The following DPCD variants were observed in gnomAD, a reference collection of about 807,000 sequenced individuals.
The protein encoded by DPCD is deleted in primary ciliary dyskinesia homolog (mouse), also known as protein DPCD.
A neutral mutation model predicts 26.4 loss-of-function variants in DPCD; 20 were observed. That is an observed-to-expected ratio of 0.76 (90% CI 0.53 to 1.10). DPCD has a LOEUF of 1.10. Among genes scored for constraint, DPCD ranks in the 50% least tolerant of loss-of-function variants. The pLI, the probability that DPCD is intolerant of heterozygous loss-of-function variation, is 0.00. For missense variants in DPCD, 202 were observed against 253.9 expected, an observed-to-expected ratio of 0.80 and a Z score of 1.39; for synonymous variants, 97 against 94.2, an observed-to-expected ratio of 1.03 and a Z score of -0.17.
At chr10:101,604,719 T>C (rs2063721841) in intron 4 of DPCD, among the ~76,000 whole-genome samples, 1 of 152,252 alleles carries the variant, frequency 6.6e-6, no homozygotes, top group Non-Finnish European at 1.5e-5. Context: ...ATCTGGCCTC[T>C]GCCACTGTTA....
At chr10:101,588,694 A>G in intron 1 of DPCD, 1 of 1,133,654 alleles carries the variant, frequency 8.8e-7, no homozygotes, top group Non-Finnish European at 1.1e-6. Context: ...CACTGTCCTG[A>G]GAGGCTAATT....
chr10:101,598,931 C>G (rs2063673259), intron 2 of DPCD, among the ~76,000 whole-genome samples: 1 of 152,102 alleles, frequency 6.6e-6, no homozygotes, highest in Non-Finnish European at 1.5e-5. Flanking sequence ...GGAGTAGATG[C>G]TTTCTAAAGG....
At chr10:101,591,753 C>T (rs1007292974) in intron 1 of DPCD, among the ~76,000 whole-genome samples, 4 of 152,080 alleles carry the variant, frequency 2.6e-5, no homozygotes, top group Admixed American at 1.3e-4. Flanking sequence ...GCAATCTCGG[C>T]GCACTGCAAC....
intron 1 of DPCD, among the ~76,000 whole-genome samples, chr10:101,591,600 GT>G (rs1186999308): frequency 6.6e-6 from 1 of 151,610 alleles, no homozygotes; most frequent in East Asian, 1.9e-4. Context: ...TTTTACTTTT[GT>G]TTTTTTAAGA....
At position 101,608,846 on chromosome 10, in the gene DPCD, A is replaced by C. The variant is rs2063751530; in HGVS notation, c.416A>C (p.Lys139Thr). The change falls in exon 5 of 6, where the codon AAG becomes ACG. Residue 139 changes from lysine to threonine, a missense_variant. Transcript: ENST00000370151. ...CGGTGTCCCCACAGGTACTACAAGAAGTTCTCCATTCCTGATCTAGATAGA... is the reference window on the plus strand; with the variant it reads ...CGGTGTCCCCACAGGTACTACAAGACGTTCTCCATTCCTGATCTAGATAGA... ...VRTTNKKYYK[K>T]FSIPDLDRHQ... The C allele has an allele frequency of 6.2e-7, 1 of 1,613,214 alleles. No homozygotes were observed. Among genetic ancestry groups the C allele is most frequent in the Non-Finnish European group, 8.5e-7 (1 of 1,179,634 alleles).
At chr10:101,601,391 G>T (rs1294041044) in intron 4 of DPCD, 55 bp downstream of exon 4, 1 of 1,600,742 alleles carries the variant, frequency 6.2e-7, no homozygotes, top group Non-Finnish European at 8.5e-7. Context: ...GTGTAGGGTG[G>T]GGTTTGATCT....
intron 1 of DPCD, 183 bp downstream of exon 1, chr10:101,588,583 C>G: frequency 7.0e-7 from 1 of 1,425,530 alleles, no homozygotes; most frequent in Non-Finnish European, 9.2e-7. Context: ...ACACATGTCT[C>G]CGGACACCCC....
Position 101,603,449 on chromosome 10 carries a change from TA to T in DPCD, c.404+2114del, listed in dbSNP as rs1249189831. 6.6e-6 allele frequency among the ~76,000 whole-genome samples: 1 copy of T among 151,882 alleles called. No homozygotes were observed. Among genetic ancestry groups the T allele is most frequent in the African/African-American group, 2.4e-5 (1 of 41,388 alleles). On this transcript the variant is annotated intron_variant, in intron 4 of 5. Transcript: ENST00000370151. The surrounding 1 kb of genome is among the most constrained non-coding windows in gnomAD (Gnocchi z 4.6). ...TTTTTTATTTTTATTTTTATTTATT[TA>T]TTTTTTTTTTAAGAGATGGAGTCTT...
chr10:101,608,515 A>G (rs1168358818), intron 4 of DPCD, among the ~76,000 whole-genome samples: 4 of 152,066 alleles, frequency 2.6e-5, no homozygotes, highest in Non-Finnish European at 4.4e-5. Context: ...TGCTTGAGCT[A>G]TTTGTGTGTT....
intron 4 of DPCD, among the ~76,000 whole-genome samples, chr10:101,604,418 T>A (rs1042838399): frequency 6.6e-6 from 1 of 152,222 alleles, no homozygotes; most frequent in Non-Finnish European, 1.5e-5. Flanking sequence ...TATTCTGGAA[T>A]GTGGTTACTA....
chr10:101,601,683 G>T (rs899736333), intron 4 of DPCD, among the ~76,000 whole-genome samples: 3 of 152,000 alleles, frequency 2.0e-5, no homozygotes, highest in Admixed American at 2.0e-4. Flanking sequence ...CCTGACTGGA[G>T]CCAGGCCTTG....
In DPCD at chr10:101,600,259, C is replaced by CT. The variant is rs1339691257; in HGVS notation, c.146-476dup. 6.6e-6 allele frequency among the ~76,000 whole-genome samples: 1 copy of CT among 151,862 alleles called. No individual in the cohort carries two copies. The highest frequency in any genetic ancestry group is 1.5e-5 in the Non-Finnish European group (1 of 67,992). ...AAAAGAGTGAATTTCTATATTTGGA[C>CT]TTTCTGAATCATGATACAGACCTGC... On this transcript the variant is annotated intron_variant, in intron 2 of 5. Transcript: ENST00000370151. The surrounding 1 kb of genome is among the most constrained non-coding windows in gnomAD (Gnocchi z 4.7).
chr10:101,598,815 G>A, intron 2 of DPCD, among the ~76,000 whole-genome samples: 1 of 151,842 alleles, frequency 6.6e-6, no homozygotes, highest in Middle Eastern at 3.2e-3. Flanking sequence ...GTAGAGACGG[G>A]GTTTCTCCAT....
At chr10:101,591,826 C>T (rs1272897565) in intron 1 of DPCD, among the ~76,000 whole-genome samples, 1 of 151,878 alleles carries the variant, frequency 6.6e-6, no homozygotes, top group Non-Finnish European at 1.5e-5. Context: ...GGATTATAGG[C>T]GCCCGCCACC....
chr10:101,594,137 G>T (rs1334932696), intron 1 of DPCD, among the ~76,000 whole-genome samples: 1 of 148,860 alleles, frequency 6.7e-6, no homozygotes, highest in Admixed American at 6.7e-5. Flanking sequence ...TGGCTAGAGG[G>T]AGTGCTTGGT....
intron 1 of DPCD, among the ~76,000 whole-genome samples, chr10:101,593,669 A>G (rs1038829219): frequency 6.6e-6 from 1 of 151,642 alleles, no homozygotes; most frequent in Non-Finnish European, 1.5e-5. Flanking sequence ...GCTCACTGAA[A>G]CCTCCGCCTC....
At chr10:101,606,864 A>G (rs569479797) in intron 4 of DPCD, among the ~76,000 whole-genome samples, 2 of 152,308 alleles carry the variant, frequency 1.3e-5, no homozygotes, top group African/African-American at 4.8e-5. Flanking sequence ...GAGAAAAGGC[A>G]GATGCTCCCT....
intron 1 of DPCD, among the ~76,000 whole-genome samples, chr10:101,590,080 AAG>A (rs1434061556): frequency 1.7e-3 from 255 of 151,498 alleles, no homozygotes; most frequent in African/African-American, 5.9e-3. Flanking sequence ...AAAAAAAAAA[AAG>A]AATTAATAGG....
At chr10:101,601,412 T>A in intron 4 of DPCD, 76 bp downstream of exon 4, 1 of 1,526,812 alleles carries the variant, frequency 6.5e-7, no homozygotes, top group Non-Finnish European at 8.9e-7. Context: ...GGCGTTAGGA[T>A]CATTATTCAG....
Sources: allele counts gnomAD v4.1 joint callset (sites outside exome capture counted in the v4.1 genomes callset), GRCh38; gene constraint gnomAD v4.1.1; non-coding constraint Gnocchi (gnomAD v3.1); transcripts MANE v1.5; gene names NCBI Gene and HGNC (gene_info 2026-07-23, HGNC 2026-07-21).